Variants in PCDHA11 observed in about 807,000 individuals in gnomAD.
The protein encoded by PCDHA11 is protocadherin alpha 11, also known as protocadherin alpha-11.
PCDHA11 carries 61 observed loss-of-function variants against 70.3 expected under a neutral mutation model. That is an observed-to-expected ratio of 0.87 (90% CI 0.71 to 1.07). PCDHA11 has a LOEUF of 1.07. Among genes scored for constraint, PCDHA11 ranks in the 50% least tolerant of loss-of-function variants. The pLI is 0.00. For synonymous variants in PCDHA11, 633 were observed against 555.1 expected (o/e 1.14, Z -1.97); for missense variants, 1,324 against 1,237.5 (o/e 1.07, Z -1.05).
rs554327220 is a variant in PCDHA11 at position 140,980,560 on chromosome 5, G to T, written c.2450+1553G>T. Reference sequence around the variant, plus strand: ...CAGGAGAATCGCTTGAACCCGGGAGGCGGAAGTTGCAGTGAGCCAAGATCG... The same window carrying T: ...CAGGAGAATCGCTTGAACCCGGGAGTCGGAAGTTGCAGTGAGCCAAGATCG... On this transcript the variant is annotated intron_variant, in intron 2 of 3. Coordinates refer to ENST00000398640, the MANE Select transcript of PCDHA11 (RefSeq NM_018902.5). Among the ~76,000 whole-genome samples the T allele has an allele frequency of 1.6e-4, 25 of 152,244 alleles. No individual in the cohort carries two copies. The East Asian group carries it at 4.6e-3, about 28-fold the overall frequency.
At chr5:141,004,080 A>G (rs1554259443) in intron 3 of PCDHA11, among the ~76,000 whole-genome samples, 1 of 152,198 alleles carries the variant, frequency 6.6e-6, no homozygotes, top group Non-Finnish European at 1.5e-5. Context: ...TAGGGGTAGA[A>G]ATGTGCTTCT....
At chr5:140,947,134 A>T in intron 1 of PCDHA11, among the ~76,000 whole-genome samples, 1 of 151,648 alleles carries the variant, frequency 6.6e-6, no homozygotes, top group Admixed American at 6.6e-5. Context: ...AAAAATAGTA[A>T]AATGTATAGT....
intron 1 of PCDHA11, chr5:140,877,799 T>C: frequency 1.2e-6 from 2 of 1,613,438 alleles, no homozygotes; most frequent in Non-Finnish European, 1.7e-6. Context: ...AGCCCAAGCC[T>C]TCAGCTGTCT....
At chr5:140,950,384 T>C (rs1242946878) in intron 1 of PCDHA11, among the ~76,000 whole-genome samples, 8 of 152,028 alleles carry the variant, frequency 5.3e-5, no homozygotes, top group Non-Finnish European at 8.8e-5. Context: ...TCCATTTGAA[T>C]GATATAGAAT....
At chr5:140,895,897 C>T (rs994708254) in intron 1 of PCDHA11, among the ~76,000 whole-genome samples, 25 of 152,240 alleles carry the variant, frequency 1.6e-4, no homozygotes, top group African/African-American at 5.3e-4. Flanking sequence ...CTGCAACCTC[C>T]GCGTCCCGGG....
At chr5:140,996,087 G>C (rs1178912945) in intron 3 of PCDHA11, among the ~76,000 whole-genome samples, 3 of 152,200 alleles carry the variant, frequency 2.0e-5, no homozygotes, top group Non-Finnish European at 4.4e-5. Flanking sequence ...GTTTTTGCTA[G>C]ATTACATGGA....
At chr5:140,933,221 G>T (rs952837794) in intron 1 of PCDHA11, among the ~76,000 whole-genome samples, 1 of 151,758 alleles carries the variant, frequency 6.6e-6, no homozygotes, top group Non-Finnish European at 1.5e-5. Flanking sequence ...CTGTTATATT[G>T]CATTTATGAA....
At position 140,869,479 on chromosome 5, in the gene PCDHA11, A is replaced by G. The variant is rs781927972; in HGVS notation, c.376A>G (p.Ile126Val). 2.2e-5 allele frequency: 35 copies of G among 1,614,086 alleles called. No homozygotes were observed. Among genetic ancestry groups the G allele is most frequent in the Middle Eastern group, 1.6e-4 (1 of 6,084 alleles). Residue 126 changes from isoleucine (I) to valine (V), a missense_variant, in exon 1 of 4, where the codon ATT becomes GTT. Coordinates refer to ENST00000398640, the MANE Select transcript of PCDHA11 (RefSeq NM_018902.5). Reference protein sequence around the residue: ...VFHVNVEVKDINDNPPVFSLR... With the variant: ...VFHVNVEVKDVNDNPPVFSLR... ...CCATGTGAACGTGGAGGTGAAGGAC[A>G]TTAACGACAACCCGCCGGTGTTCTC...
intron 1 of PCDHA11, among the ~76,000 whole-genome samples, chr5:140,873,732 C>T (rs1309470062): frequency 6.6e-6 from 1 of 152,166 alleles, no homozygotes; most frequent in African/African-American, 2.4e-5. Context: ...GCAATCTCAG[C>T]TCACTGCAAT....
At position 140,997,506 on chromosome 5, in the gene PCDHA11, T is replaced by A. The variant is rs147089901; in HGVS notation, c.2540-12121T>A. On this transcript the variant is annotated intron_variant, in intron 3 of 3. Coordinates refer to ENST00000398640, the MANE Select transcript of PCDHA11 (RefSeq NM_018902.5). ...AAGTATTTGTGTATCTCAACATACC[T>A]AAACGCAGAAAAAGTACAATAAAAA... Among the ~76,000 whole-genome samples the A allele has an allele frequency of 4.4e-3, 665 of 152,304 alleles. 5 individuals are homozygous for A. Among genetic ancestry groups the A allele is most frequent in the African/African-American group, 0.015 (619 of 41,574 alleles).
At chr5:140,961,604 T>C (rs2095623962) in intron 1 of PCDHA11, among the ~76,000 whole-genome samples, 1 of 152,190 alleles carries the variant, frequency 6.6e-6, no homozygotes, top group Non-Finnish European at 1.5e-5. Context: ...TTCTAGTAAA[T>C]GAAACTAAAG....
chr5:140,972,884 G>A (rs763416041), intron 1 of PCDHA11, among the ~76,000 whole-genome samples: 4 of 151,972 alleles, frequency 2.6e-5, no homozygotes, highest in African/African-American at 7.3e-5. Flanking sequence ...GGATGGTCTC[G>A]ATCTCTTGAC....
chr5:140,984,359 T>A (rs1372089743), intron 3 of PCDHA11, among the ~76,000 whole-genome samples: 1 of 152,242 alleles, frequency 6.6e-6, no homozygotes, highest in Non-Finnish European at 1.5e-5. Flanking sequence ...ATTTCATACA[T>A]CTGGCCAAGT....
chr5:140,899,995 A>G (rs1449060467), intron 1 of PCDHA11, among the ~76,000 whole-genome samples: 1 of 151,872 alleles, frequency 6.6e-6, no homozygotes, highest in Non-Finnish European at 1.5e-5. Context: ...TTTTTTGTAG[A>G]GATGAGGTCT....
chr5:140,967,757 T>C, intron 1 of PCDHA11: 1 of 1,614,216 alleles, frequency 6.2e-7, no homozygotes, highest in Non-Finnish European at 8.5e-7. Flanking sequence ...AGCCTCCTCC[T>C]ACCAGATCTA....
chr5:140,949,935 T>C (rs1554219235), intron 1 of PCDHA11, among the ~76,000 whole-genome samples: 1 of 151,898 alleles, frequency 6.6e-6, no homozygotes, highest in East Asian at 1.9e-4. Context: ...TTTTTTTTAA[T>C]TTGCATTTTT....
At chr5:140,986,151 G>A (rs547474191) in intron 3 of PCDHA11, among the ~76,000 whole-genome samples, 1 of 152,198 alleles carries the variant, frequency 6.6e-6, no homozygotes, top group African/African-American at 2.4e-5. Flanking sequence ...GCATCACCAA[G>A]TAATGTTTTC....
rs1440009442 is a variant in PCDHA11, at chr5:140,964,448, A to G, written c.2392-14501A>G. Among the ~76,000 whole-genome samples the G allele has an allele frequency of 3.3e-5, 5 of 152,212 alleles. No homozygotes were observed. The South Asian group carries it at 8.3e-4, about 25-fold the overall frequency. On this transcript the variant is annotated intron_variant, in intron 1 of 3. Transcript: ENST00000398640. ...AAAATTACCAAGCCTCTGCCACTGT[A>G]ATCTCTTCCTTAAGTGCCTATGATT...
chr5:140,926,054 T>C (rs1018660828), intron 1 of PCDHA11, among the ~76,000 whole-genome samples: 1 of 152,182 alleles, frequency 6.6e-6, no homozygotes, highest in Non-Finnish European at 1.5e-5. Flanking sequence ...CCCAACCTTC[T>C]TCCCCTCCTT....
Sources: allele counts gnomAD v4.1 joint callset (sites outside exome capture counted in the v4.1 genomes callset), GRCh38; gene constraint gnomAD v4.1.1; transcripts MANE v1.5; gene names NCBI Gene and HGNC (gene_info 2026-07-23, HGNC 2026-07-21).